PLCL1: variants seen among roughly 807,000 people sequenced by gnomAD.
PLCL1 encodes inactive phospholipase C-like protein 1.
Under a neutral mutation model 84.4 loss-of-function variants are expected in PLCL1, and 41 were observed. That is an observed-to-expected ratio of 0.49 (90% CI 0.38 to 0.63). The LOEUF (loss-of-function observed/expected upper bound fraction) is 0.63, where lower values mean the gene tolerates loss of function less well. PLCL1 is among the 30% of genes least tolerant of loss of function. PLCL1 has a pLI of 0.00. For missense variants in PLCL1, 1,206 were observed against 1,367.8 expected (o/e 0.88, Z 1.87); for synonymous variants, 490 against 488.3 (o/e 1.00, Z -0.05).
intron 5 of PLCL1, among the ~76,000 whole-genome samples, chr2:198,128,443 C>T (rs1317398126): frequency 1.3e-5 from 2 of 152,112 alleles, no homozygotes; most frequent in African/African-American, 2.4e-5. Context: ...AGGGGAGGGG[C>T]AGTGAGTCAG....
chr2:198,039,021 C>T (rs1370111111), intron 1 of PLCL1, among the ~76,000 whole-genome samples: 2 of 151,968 alleles, frequency 1.3e-5, no homozygotes, highest in Non-Finnish European at 2.9e-5. Flanking sequence ...ATACTAAAAG[C>T]CCTTACATTA....
At chr2:197,813,391 C>T (rs906425598) in intron 1 of PLCL1, among the ~76,000 whole-genome samples, 2 of 152,150 alleles carry the variant, frequency 1.3e-5, no homozygotes, top group African/African-American at 4.8e-5. Context: ...GTTGGAGCCT[C>T]ATGCTCCCCC....
intron 1 of PLCL1, among the ~76,000 whole-genome samples, chr2:197,868,356 G>A (rs1418272693): frequency 6.6e-6 from 1 of 152,180 alleles, no homozygotes; most frequent in East Asian, 1.9e-4. Context: ...AACTAGGCAA[G>A]AAACAGGTAG....
chr2:197,890,721 T>C (rs1212136692), intron 1 of PLCL1, among the ~76,000 whole-genome samples: 1 of 115,460 alleles, frequency 8.7e-6, no homozygotes, highest in African/African-American at 3.2e-5. Flanking sequence ...CATATACGTA[T>C]ATATGCATAT....
intron 1 of PLCL1, among the ~76,000 whole-genome samples, chr2:198,001,560 A>C (rs1690600430): frequency 6.6e-6 from 1 of 152,244 alleles, no homozygotes; most frequent in Non-Finnish European, 1.5e-5. Flanking sequence ...GGAATTATAC[A>C]GAATGTTCTC....
intron 1 of PLCL1, among the ~76,000 whole-genome samples, chr2:197,824,186 A>G (rs566143893): frequency 6.6e-6 from 1 of 152,094 alleles, no homozygotes; most frequent in Non-Finnish European, 1.5e-5. Flanking sequence ...AAGTCCTCAT[A>G]ATTCTCATCT....
At chr2:197,887,886 T>C (rs1380759036) in intron 1 of PLCL1, among the ~76,000 whole-genome samples, 3 of 152,208 alleles carry the variant, frequency 2.0e-5, no homozygotes, top group East Asian at 3.9e-4. Context: ...TGAGGATCAC[T>C]TGAGCTCAGG....
At chr2:198,046,465 T>A (rs1328661609) in intron 1 of PLCL1, among the ~76,000 whole-genome samples, 1 of 152,052 alleles carries the variant, frequency 6.6e-6, no homozygotes, top group South Asian at 2.1e-4. Context: ...CTTTGAAAAA[T>A]TTTTCAGATA....
intron 1 of PLCL1, among the ~76,000 whole-genome samples, chr2:197,846,839 T>C (rs1419106897): frequency 2.0e-5 from 3 of 152,256 alleles, no homozygotes; most frequent in Admixed American, 6.5e-5. Context: ...CATATATGGA[T>C]GATAGATCCT....
At chr2:198,018,902 C>A (rs1357922526) in intron 1 of PLCL1, among the ~76,000 whole-genome samples, 1 of 152,248 alleles carries the variant, frequency 6.6e-6, no homozygotes, top group Non-Finnish European at 1.5e-5. Flanking sequence ...ACGGCCTCCT[C>A]AAATGGGTCC....
rs1242499580 is a variant in PLCL1, at chr2:198,085,587, A to G, written c.2070A>G (p.Gly690=). The G allele has an allele frequency of 6.2e-7, 1 of 1,613,948 alleles. No homozygotes were observed. Among genetic ancestry groups the G allele is most frequent in the Middle Eastern group, 1.6e-4 (1 of 6,062 alleles). ...LHTGWFLQNG[G]CGYVLRPSIM... ...CGGGCTGGTTTCTTCAAAACGGGGG[A>G]TGTGGTTATGTTCTAAGGCCGTCTA... Residue 690 remains glycine (G), a synonymous_variant, in exon 2 of 6, where the codon GGA becomes GGG. Transcript: ENST00000428675. This position sits in a 1 kb window ranked among gnomAD's most constrained non-coding sequence, Gnocchi z 5.3.
intron 1 of PLCL1, among the ~76,000 whole-genome samples, chr2:198,036,947 C>G (rs759819180): frequency 8.5e-5 from 13 of 152,202 alleles, no homozygotes; most frequent in Non-Finnish European, 1.6e-4. Flanking sequence ...CCTTATCAAT[C>G]CAGTGGGCAA....
At chr2:197,828,625 A>G (rs1690984547) in intron 1 of PLCL1, among the ~76,000 whole-genome samples, 1 of 152,160 alleles carries the variant, frequency 6.6e-6, no homozygotes. Flanking sequence ...GAAATTTTGT[A>G]AAAGTATCCA....
intron 5 of PLCL1, among the ~76,000 whole-genome samples, chr2:198,136,508 A>G (rs922058502): frequency 6.6e-6 from 1 of 152,020 alleles, no homozygotes; most frequent in African/African-American, 2.4e-5. Context: ...GAGACTAGAG[A>G]CTAGTCTAGA....
chr2:198,081,107 A>C (rs1033403630), intron 1 of PLCL1, among the ~76,000 whole-genome samples: 2 of 152,234 alleles, frequency 1.3e-5, no homozygotes, highest in Non-Finnish European at 2.9e-5. Context: ...ACGCTAGCAT[A>C]ATATCATACT....
intron 3 of PLCL1, among the ~76,000 whole-genome samples, chr2:198,095,928 T>C (rs1260472978): frequency 6.6e-6 from 1 of 152,220 alleles, no homozygotes; most frequent in African/African-American, 2.4e-5. Flanking sequence ...GACAGTTCTG[T>C]AACTCAAGAG....
At chr2:198,022,739 A>T (rs1471914578) in intron 1 of PLCL1, among the ~76,000 whole-genome samples, 3 of 152,214 alleles carry the variant, frequency 2.0e-5, no homozygotes, top group African/African-American at 7.2e-5. Flanking sequence ...CTGCTCAAGG[A>T]AATAAGAGAG....
rs1312428423 is a variant in PLCL1, at chr2:198,147,205, T to A, written c.*243T>A. 3 of 242,568 alleles carry A rather than the reference T, an allele frequency of 1.2e-5. No individual in the cohort carries two copies. The highest frequency in any genetic ancestry group is 5.5e-5 in the Admixed American group (1 of 18,062). The allele number at this position is 242,568 out of a possible 1,614,324, so 15.0% of individuals were successfully genotyped here. On this transcript the variant is annotated 3_prime_UTR_variant, in exon 6 of 6. Transcript: ENST00000428675. Reference sequence around the variant, plus strand: ...CCCTGTGTGGATGCCTGTGGAAGAGTGTGTGTGTGTGTGTGTGTGTGTGTG... The same window carrying A: ...CCCTGTGTGGATGCCTGTGGAAGAGAGTGTGTGTGTGTGTGTGTGTGTGTG...
chr2:197,937,562 T>C (rs1482660258), intron 1 of PLCL1, among the ~76,000 whole-genome samples: 1 of 152,218 alleles, frequency 6.6e-6, no homozygotes, highest in Admixed American at 6.5e-5. Flanking sequence ...TAAATTTTGT[T>C]AAGCCTCTTT....
Sources: allele counts gnomAD v4.1 joint callset (sites outside exome capture counted in the v4.1 genomes callset), GRCh38; gene constraint gnomAD v4.1.1; non-coding constraint Gnocchi (gnomAD v3.1); transcripts MANE v1.5; gene names NCBI Gene and HGNC (gene_info 2026-07-23, HGNC 2026-07-21).